Variants in PCSK5 observed in about 807,000 individuals in gnomAD.
PCSK5 encodes the protein proprotein convertase subtilisin/kexin type 5.
Under a neutral mutation model 233.2 loss-of-function variants are expected in PCSK5, and 129 were observed. The ratio of observed to expected loss-of-function variants is 0.55; its 90% CI spans 0.48 to 0.64. PCSK5 has a LOEUF of 0.64. Among genes scored for constraint, PCSK5 ranks in the 30% least tolerant of loss-of-function variants. The pLI, the probability that PCSK5 is intolerant of heterozygous loss-of-function variation, is 0.00. For synonymous variants in PCSK5, 825 were observed against 879.2 expected, an observed-to-expected ratio of 0.94 and a Z score of 1.09; for missense variants, 2,076 against 2,430.1, an observed-to-expected ratio of 0.85 and a Z score of 3.06.
At chr9:75,912,182 C>T (rs985025415) in intron 1 of PCSK5, among the ~76,000 whole-genome samples, 3 of 151,752 alleles carry the variant, frequency 2.0e-5, no homozygotes, top group Admixed American at 6.6e-5. Flanking sequence ...AGGAAGTCTT[C>T]GTGGAGAAGG....
intron 12 of PCSK5, among the ~76,000 whole-genome samples, chr9:76,163,562 C>T (rs546779201): frequency 1.1e-4 from 17 of 152,174 alleles, no homozygotes; most frequent in Non-Finnish European, 1.9e-4. Flanking sequence ...TTGCTCTTCC[C>T]CTGCCCTCCC....
At chr9:76,266,128 G>A (rs1268723452) in intron 24 of PCSK5, among the ~76,000 whole-genome samples, 1 of 152,112 alleles carries the variant, frequency 6.6e-6, no homozygotes, top group African/African-American at 2.4e-5. Flanking sequence ...TTAAAAGTAA[G>A]CACTGGTTAA....
rs146983758 is a variant in PCSK5 at position 76,111,044 on chromosome 9, T to C, written c.1208+3693T>C. ...ATTGTTCGAACCCAGGAGGCAGAGG[T>C]TGCACTGAACTGAGATCATGCTGCT... On this transcript the variant is annotated intron_variant, in intron 9 of 37. Coordinates refer to ENST00000674117, the MANE Select transcript of PCSK5 (RefSeq NM_001372043.1). Among the ~76,000 whole-genome samples, 27 of 151,990 alleles carry C rather than the reference T, an allele frequency of 1.8e-4. No individual in the cohort carries two copies. In the East Asian group the frequency reaches 4.8e-3, roughly 27 times the overall value.
chr9:76,207,014 A>G (rs1388631279), intron 20 of PCSK5, among the ~76,000 whole-genome samples: 1 of 152,022 alleles, frequency 6.6e-6, no homozygotes, highest in Non-Finnish European at 1.5e-5. Context: ...TCTTTTGCTC[A>G]TGACCCCTTC....
chr9:76,277,272 C>T (rs1827723118), intron 24 of PCSK5, among the ~76,000 whole-genome samples: 1 of 152,012 alleles, frequency 6.6e-6, no homozygotes, highest in African/African-American at 2.4e-5. Context: ...ATTATGTCTT[C>T]CCCCCAAAGA....
In PCSK5 at chr9:76,072,700, T is replaced by C. The variant is rs558723051; in HGVS notation, c.894+802T>C. On this transcript the variant is annotated intron_variant, in intron 7 of 37. Transcript: ENST00000674117. The stretch of plus-strand genomic sequence containing the variant: ...TTCTCCTCTCTTTTACTCCTTATAA[T>C]GTAGACGTGCTCCACTCCTATCCAT... Among the ~76,000 whole-genome samples, 4 of 152,308 alleles carry C rather than the reference T, an allele frequency of 2.6e-5. No individual in the cohort carries two copies. The South Asian group carries it at 8.3e-4, about 32-fold the overall frequency.
chr9:76,075,498 C>A (rs1830614443), intron 7 of PCSK5, among the ~76,000 whole-genome samples: 1 of 151,954 alleles, frequency 6.6e-6, no homozygotes, highest in African/African-American at 2.4e-5. Context: ...CAGTATATTT[C>A]TCTTTTCCAG....
chr9:76,085,955 C>T (rs1831046704), intron 7 of PCSK5, among the ~76,000 whole-genome samples: 1 of 152,142 alleles, frequency 6.6e-6, no homozygotes, highest in African/African-American at 2.4e-5. Flanking sequence ...TCCTTTCATA[C>T]CTCTGTCAAT....
At chr9:76,348,058 G>A (rs1423813917) in intron 35 of PCSK5, among the ~76,000 whole-genome samples, 1 of 152,052 alleles carries the variant, frequency 6.6e-6, no homozygotes, top group African/African-American at 2.4e-5. Context: ...ATCACTTGAG[G>A]TCAGGAATTT....
intron 35 of PCSK5, among the ~76,000 whole-genome samples, chr9:76,339,762 C>G (rs961558510): frequency 6.6e-6 from 1 of 152,218 alleles, no homozygotes; most frequent in South Asian, 2.1e-4. Flanking sequence ...TCAGGCTGGT[C>G]TCGAACTCCT....
At chr9:76,302,068 G>T (rs1828625414) in intron 27 of PCSK5, 69 bp from the exon 28 acceptor site, 4 of 681,542 alleles carry the variant, frequency 5.9e-6, no homozygotes, top group Admixed American at 6.7e-5. Context: ...GGGTTTATAG[G>T]TGAAGTTTAT....
intron 6 of PCSK5, among the ~76,000 whole-genome samples, chr9:76,070,071 G>A (rs1199096579): frequency 6.7e-6 from 1 of 148,246 alleles, no homozygotes; most frequent in East Asian, 2.0e-4. Context: ...CATGATCTCG[G>A]CTCACTGCAA....
chr9:75,916,840 C>T (rs1823019766), intron 1 of PCSK5, among the ~76,000 whole-genome samples: 1 of 151,962 alleles, frequency 6.6e-6, no homozygotes, highest in South Asian at 2.1e-4. Context: ...GTGATATTAC[C>T]TTGCATAAAA....
chr9:76,014,895 C>T (rs1827881814), intron 3 of PCSK5, among the ~76,000 whole-genome samples: 1 of 152,030 alleles, frequency 6.6e-6, no homozygotes. Context: ...ACCTTCATTA[C>T]CTGTATTATA....
intron 5 of PCSK5, among the ~76,000 whole-genome samples, chr9:76,060,764 C>G (rs6560494): frequency 0.53 from 80,461 of 151,848 alleles, 23,586 homozygotes; most frequent in African/African-American, 0.79. Context: ...GTATTGTTAG[C>G]TATTTGTGAT....
At chr9:76,198,696 TCCATAAATAAATA>T (rs1308667765) in intron 20 of PCSK5, among the ~76,000 whole-genome samples, 1 of 152,182 alleles carries the variant, frequency 6.6e-6, no homozygotes, top group Non-Finnish European at 1.5e-5. Flanking sequence ...AAGAGTTGCT[TCCATAAATAAATA>T]TTATTGAGTC....
intron 1 of PCSK5, among the ~76,000 whole-genome samples, chr9:75,898,017 T>TTA (rs2131190918): frequency 6.6e-6 from 1 of 152,304 alleles, no homozygotes; most frequent in African/African-American, 2.4e-5. Context: ...TCACATGCCT[T>TTA]TATATGCCTT....
chr9:76,162,982 T>C (rs572889274), intron 12 of PCSK5, among the ~76,000 whole-genome samples: 8 of 152,316 alleles, frequency 5.3e-5, no homozygotes, highest in Admixed American at 5.2e-4. Context: ...AACCAGAATC[T>C]GGAGGCTCAC....
At chr9:76,329,881 G>A (rs1829477428) in intron 33 of PCSK5, among the ~76,000 whole-genome samples, 1 of 151,714 alleles carries the variant, frequency 6.6e-6, no homozygotes, top group South Asian at 2.1e-4. Context: ...TTTTCCTTTC[G>A]GGTGACTGTG....
Sources: gnomAD v4.1 joint callset for allele counts (sites outside exome capture counted in the v4.1 genomes callset) on GRCh38, gnomAD v4.1.1 for gene constraint, MANE v1.5 for transcripts, NCBI Gene and HGNC (gene_info 2026-07-23, HGNC 2026-07-21) for gene names.